PIK3C3: variants seen among roughly 807,000 people sequenced by gnomAD.
PIK3C3 encodes PI3-kinase type 3.
A neutral mutation model predicts 126.1 loss-of-function variants in PIK3C3; 95 were observed. That is an observed-to-expected ratio of 0.75 (90% CI 0.64 to 0.89). PIK3C3 has a LOEUF of 0.89. Ranked by LOEUF, PIK3C3 falls within the 40% of genes least tolerant of loss-of-function variation. The pLI is 0.00. For missense variants in PIK3C3, 829 were observed against 1,063.2 expected, an observed-to-expected ratio of 0.78 and a Z score of 3.06; for synonymous variants, 374 against 360.0, an observed-to-expected ratio of 1.04 and a Z score of -0.44.
chr18:41,967,744 T>A (rs912180667), intron 3 of PIK3C3, among the ~76,000 whole-genome samples: 1 of 152,226 alleles, frequency 6.6e-6, no homozygotes, highest in Non-Finnish European at 1.5e-5. Flanking sequence ...GATTGTTAGG[T>A]TGACCTGGCA....
Position 42,086,696 on chromosome 18 carries a change from A to G in PIK3C3, c.*5559A>G, listed in dbSNP as rs1986406654. ...AGTTTACAAATGCCATAACAACATC[A>G]GGAAGTTACCCTATATGGTCTAAAA... On this transcript the variant is annotated 3_prime_UTR_variant, in exon 25 of 25. Coordinates refer to ENST00000262039, the MANE Select transcript of PIK3C3 (RefSeq NM_002647.4). 6.6e-6 allele frequency: 1 copy of G among 152,214 alleles called. No individual in the cohort carries two copies. Among genetic ancestry groups the G allele is most frequent in the Non-Finnish European group, 1.5e-5 (1 of 68,036 alleles). The allele number at this position is 152,214 out of a possible 1,614,324, so 9.4% of individuals were successfully genotyped here. A position where few individuals can be genotyped will look rare whatever the true frequency, so the allele number is the denominator to read the frequency against.
rs150921231 is a variant in PIK3C3, at chr18:42,007,163, C to T, written c.1170+2622C>T. Among the ~76,000 whole-genome samples the T allele has an allele frequency of 7.2e-5, 11 of 152,230 alleles. No individual in the cohort carries two copies. In the East Asian group the frequency reaches 1.3e-3, roughly 19 times the overall value. On this transcript the variant is annotated intron_variant, in intron 10 of 24. Transcript: ENST00000262039. ...GATTACAGGCATGAGCCACCACACC[C>T]GGCCTTAAAAATCATATTCTTGAAT...
intron 9 of PIK3C3, among the ~76,000 whole-genome samples, chr18:42,001,861 A>G (rs1982307697): frequency 6.6e-6 from 1 of 152,188 alleles, no homozygotes; most frequent in Non-Finnish European, 1.5e-5. Context: ...CACTGTCATT[A>G]TTTAAGAAGT....
At chr18:42,029,284 C>T (rs376749003) in intron 14 of PIK3C3, 41 bp from the exon 15 acceptor site, 52 of 1,166,258 alleles carry the variant, frequency 4.5e-5, no homozygotes, top group East Asian at 3.1e-4. Flanking sequence ...CAGATCATTA[C>T]GCAACATAGA....
chr18:42,080,217 A>T (rs1016344085), intron 24 of PIK3C3, among the ~76,000 whole-genome samples: 11 of 152,062 alleles, frequency 7.2e-5, no homozygotes, highest in Non-Finnish European at 8.8e-5. Context: ...AAATATTTAA[A>T]TTGCTTCTTA....
chr18:42,076,107 T>TATATATATATGC (rs1985975566), intron 24 of PIK3C3, among the ~76,000 whole-genome samples: 1 of 77,686 alleles, frequency 1.3e-5, no homozygotes, highest in Non-Finnish European at 2.5e-5. Context: ...TATATATATA[T>TATATATATATGC]ATATATATAT....
At chr18:42,077,874 C>T (rs749334040) in intron 24 of PIK3C3, among the ~76,000 whole-genome samples, 1 of 152,076 alleles carries the variant, frequency 6.6e-6, no homozygotes. Flanking sequence ...TATAGCCTTA[C>T]GAAATGTATT....
intron 23 of PIK3C3, among the ~76,000 whole-genome samples, 157 bp downstream of exon 23, chr18:42,064,987 G>A (rs1985476164): frequency 6.6e-6 from 1 of 152,162 alleles, no homozygotes; most frequent in Admixed American, 6.5e-5. Flanking sequence ...GAGACAGTTT[G>A]CTTGCTACTC....
chr18:41,985,351 CTG>C (rs1981416456), intron 4 of PIK3C3, among the ~76,000 whole-genome samples: 1 of 152,120 alleles, frequency 6.6e-6, no homozygotes, highest in African/African-American at 2.4e-5. Context: ...TGAGTGGTAA[CTG>C]TACAATTCTG....
chr18:41,964,181 A>G (rs1980239538), intron 3 of PIK3C3, among the ~76,000 whole-genome samples: 1 of 152,172 alleles, frequency 6.6e-6, no homozygotes, highest in African/African-American at 2.4e-5. Context: ...GAAAACCAAA[A>G]CAAATGGTTT....
chr18:42,033,554 T>A (rs1360093344), intron 15 of PIK3C3, among the ~76,000 whole-genome samples: 2 of 152,230 alleles, frequency 1.3e-5, no homozygotes, highest in Admixed American at 1.3e-4. Flanking sequence ...TGATTCTTTG[T>A]CAGCTTTAGC....
chr18:42,038,765 A>G lies in PIK3C3; in HGVS notation c.1969-16A>G, dbSNP rs929069867. 1.0e-5 allele frequency: 16 copies of G among 1,543,976 alleles called. No homozygotes were observed. The highest frequency in any genetic ancestry group is 1.2e-5 in the Non-Finnish European group (13 of 1,118,008). On this transcript the variant is annotated splice_polypyrimidine_tract_variant and intron_variant, in intron 17 of 24. Transcript: ENST00000262039. ...TCTTTACATTTGGTTAATATATTTTACCTTTTGATTAAAAGCTGTTACGGA... is the reference window on the plus strand; with the variant it reads ...TCTTTACATTTGGTTAATATATTTTGCCTTTTGATTAAAAGCTGTTACGGA...
chr18:41,990,101 T>G (rs1270007282), intron 5 of PIK3C3, among the ~76,000 whole-genome samples: 1 of 152,150 alleles, frequency 6.6e-6, no homozygotes, highest in Non-Finnish European at 1.5e-5. Context: ...AGCTTAAAAT[T>G]GTTAGAAGGA....
chr18:42,015,570 A>C lies in PIK3C3; in HGVS notation c.1416+4A>C. The stretch of plus-strand genomic sequence containing the variant: ...TCCAGATGGCGAAAATCTGGAAGTG[A>C]GTACAAAGCTTTTCCAGCTTCCTAT... On this transcript the variant is annotated splice_donor_region_variant and intron_variant, in intron 12 of 24. Coordinates refer to ENST00000262039, the MANE Select transcript of PIK3C3 (RefSeq NM_002647.4). 6.2e-7 allele frequency: 1 copy of C among 1,607,520 alleles called. No homozygotes were observed. The highest frequency in any genetic ancestry group is 8.5e-7 in the Non-Finnish European group (1 of 1,174,236).
intron 9 of PIK3C3, among the ~76,000 whole-genome samples, chr18:41,997,186 G>T (rs932526994): frequency 6.6e-5 from 10 of 152,064 alleles, no homozygotes; most frequent in Non-Finnish European, 1.0e-4. Context: ...AGGAAAATAC[G>T]TATGCTTTTA....
chr18:41,998,547 C>T (rs981271078), intron 9 of PIK3C3, among the ~76,000 whole-genome samples: 1 of 152,158 alleles, frequency 6.6e-6, no homozygotes, highest in Admixed American at 6.5e-5. Context: ...CACTTCCCAC[C>T]GAAATTCAAT....
rs1568013498 is a variant in PIK3C3, at chr18:42,076,110, A to ATATATATATATATG, written c.2650-5002_2650-5001insATGTATATATATAT. ...CTTGCATATATATATATATATATAT[A>ATATATATATATATG]TATATATATATGCGCATATATATAT... On this transcript the variant is annotated intron_variant, in intron 24 of 24. Transcript: ENST00000262039. Among the ~76,000 whole-genome samples the ATATATATATATATG allele has an allele frequency of 1.4e-4, 11 of 80,278 alleles. 2 individuals are homozygous for ATATATATATATATG. The highest frequency in any genetic ancestry group is 5.8e-4 in the African/African-American group (11 of 18,872). 52.7% of individuals were successfully genotyped at this position (80,278 alleles called of 152,430 possible). A position where few individuals can be genotyped will look rare whatever the true frequency, so the allele number is the denominator to read the frequency against.
chr18:42,028,401 A>C (rs1471418031), intron 14 of PIK3C3, among the ~76,000 whole-genome samples: 1 of 152,160 alleles, frequency 6.6e-6, no homozygotes, highest in Non-Finnish European at 1.5e-5. Context: ...TCGATTCTTA[A>C]AGCAGTGTCA....
intron 5 of PIK3C3, among the ~76,000 whole-genome samples, chr18:41,988,643 AAG>A (rs996471956): frequency 2.0e-5 from 3 of 152,260 alleles, no homozygotes; most frequent in African/African-American, 7.2e-5. Context: ...AGCAGGTAGA[AAG>A]AGAGAAGTTT....
Sources: gnomAD v4.1 joint callset for allele counts (sites outside exome capture counted in the v4.1 genomes callset) on GRCh38, gnomAD v4.1.1 for gene constraint, MANE v1.5 for transcripts, NCBI Gene and HGNC (gene_info 2026-07-23, HGNC 2026-07-21) for gene names.